The following RPL28 variants were observed in gnomAD, a reference collection of about 807,000 sequenced individuals.
The protein encoded by RPL28 is ribosomal protein L28.
Under a neutral mutation model 12.5 loss-of-function variants are expected in RPL28, and 4 were observed. That is an observed-to-expected ratio of 0.32 (90% CI 0.16 to 0.73). The LOEUF (loss-of-function observed/expected upper bound fraction) is 0.73, where lower values mean the gene tolerates loss of function less well. Among genes scored for constraint, RPL28 ranks in the 30% least tolerant of loss-of-function variants. The pLI is 0.66. For missense variants in RPL28, 214 were observed against 197.7 expected, an observed-to-expected ratio of 1.08 and a Z score of -0.49; for synonymous variants, 91 against 72.5, an observed-to-expected ratio of 1.26 and a Z score of -1.30.
intron 4 of RPL28, among the ~76,000 whole-genome samples, chr19:55,398,909 G>T (rs539468203): frequency 1.0e-3 from 156 of 152,242 alleles, no homozygotes; most frequent in African/African-American, 3.6e-3. Context: ...GCCACGTTGG[G>T]CAGGCTGCTC....
At chr19:55,392,537 CTT>C (rs377688364), downstream of RPL28, among the ~76,000 whole-genome samples, 2 of 145,110 alleles carry the variant, frequency 1.4e-5, no homozygotes, top group African/African-American at 2.5e-5. Context: ...CCAGCCTCAT[CTT>C]TTTTTTTTTT....
rs1418540879 is a variant in RPL28, at chr19:55,386,436, A to G, written c.79A>G (p.Thr27Ala). 3 of 1,613,914 alleles carry G rather than the reference A, an allele frequency of 1.9e-6. No individual in the cohort carries two copies. The highest frequency in any genetic ancestry group is 1.1e-5 in the South Asian group (1 of 91,078). The change falls in exon 2 of 5, where the codon ACT becomes GCT. Residue 27 changes from threonine to alanine, a missense_variant and splice_region_variant. Coordinates refer to ENST00000344063, the MANE Select transcript of RPL28 (RefSeq NM_000991.5). ...CAAGAGGAATAAGCAGACCTACAGCACTGTAAGTGGGGCCCGGATGCGTGG... is the reference window on the plus strand; with the variant it reads ...CAAGAGGAATAAGCAGACCTACAGCGCTGTAAGTGGGGCCCGGATGCGTGG... The part of the protein sequence containing the change: ...LIKRNKQTYS[T>A]EPNNLKARNS...
rs1317499598 is a variant in RPL28 at position 55,391,590 on chromosome 19, T to G, written c.*3258T>G. 1.3e-6 allele frequency: 2 copies of G among 1,548,928 alleles called. No individual in the cohort carries two copies. The highest frequency in any genetic ancestry group is 2.4e-5 in the East Asian group (1 of 40,840). ...ATCTACTGGGTCAGGGCTCTGCTGC[T>G]CGGTGGCTGTGCAACCTTGGGCAAG... On this transcript the variant is annotated 3_prime_UTR_variant, in exon 5 of 5. Transcript: ENST00000344063.
At position 55,386,630 on chromosome 19, in the gene RPL28, A is replaced by G. The variant is rs2089929888; in HGVS notation, c.142A>G (p.Thr48Ala). The G allele has an allele frequency of 1.2e-6, 2 of 1,614,042 alleles. No homozygotes were observed. Among genetic ancestry groups the G allele is most frequent in the Non-Finnish European group, 1.7e-6 (2 of 1,179,988 alleles). ...FRYNGLIHRKTVGVEPAADGK... is the reference protein window; with the variant it reads ...FRYNGLIHRKAVGVEPAADGK... ...CTACAACGGACTGATTCACCGCAAG[A>G]CTGTGGGCGTGGAGCCGGCAGCCGA... The change falls in exon 3 of 5, where the codon ACT (threonine) becomes GCT (alanine). Residue 48 changes from threonine (T) to alanine (A), a missense_variant. Coordinates refer to ENST00000344063, the MANE Select transcript of RPL28 (RefSeq NM_000991.5).
Sources: gnomAD v4.1 joint callset for allele counts (sites outside exome capture counted in the v4.1 genomes callset) on GRCh38, gnomAD v4.1.1 for gene constraint, MANE v1.5 for transcripts, NCBI Gene and HGNC (gene_info 2026-07-23, HGNC 2026-07-21) for gene names.